The following OSBPL5 variants were observed in gnomAD, a reference collection of about 807,000 sequenced individuals.
The protein encoded by OSBPL5 is oxysterol binding protein like 5.
OSBPL5 carries 71 observed loss-of-function variants against 111.2 expected under a neutral mutation model. The ratio of observed to expected loss-of-function variants is 0.64; its 90% CI spans 0.53 to 0.78. OSBPL5 has a LOEUF of 0.78. OSBPL5 is among the 30% of genes least tolerant of loss of function. OSBPL5 has a pLI of 0.00. For synonymous variants in OSBPL5, 549 were observed against 513.9 expected (o/e 1.07, Z -0.93); for missense variants, 1,210 against 1,189.3 (o/e 1.02, Z -0.26).
Position 3,126,590 on chromosome 11 carries a change from T to C in OSBPL5, c.137-35A>G, listed in dbSNP as rs775646616. The C allele has an allele frequency of 5.7e-6, 9 of 1,576,240 alleles. No individual in the cohort carries two copies. The highest frequency in any genetic ancestry group is 3.4e-5 in the South Asian group (3 of 87,180). On this transcript the variant is annotated intron_variant, in intron 2 of 21. Transcript: ENST00000263650. This position sits in a 1 kb window ranked among gnomAD's most constrained non-coding sequence, Gnocchi z 6.5. ...AGCAGTGGGAGTGAGGACCCAGGCA[T>C]GGTGGCGTGGCCAGGCTTCTCAGGC...
chr11:3,089,206 C>T (rs1344479953), intron 21 of OSBPL5, among the ~76,000 whole-genome samples: 6 of 152,222 alleles, frequency 3.9e-5, no homozygotes, highest in African/African-American at 1.4e-4. Context: ...GGGCCTGTGC[C>T]CTGGCTGCAT....
At position 3,142,425 on chromosome 11, in the gene OSBPL5, C is replaced by T. The variant is rs779654011; in HGVS notation, c.-21-13256G>A. ...GGAAGCCCCTACCTCTCCACCACGACCCCTCCATGCCCTGCTGCCACAAGG... is the reference window on the plus strand; with the variant it reads ...GGAAGCCCCTACCTCTCCACCACGATCCCTCCATGCCCTGCTGCCACAAGG... On this transcript the variant is annotated intron_variant, in intron 1 of 21. Coordinates refer to ENST00000263650, the MANE Select transcript of OSBPL5 (RefSeq NM_020896.4). The surrounding 1 kb of genome is among the most constrained non-coding windows in gnomAD (Gnocchi z 7.1). Among the ~76,000 whole-genome samples, 3 of 152,218 alleles carry T rather than the reference C, an allele frequency of 2.0e-5. No homozygotes were observed. The highest frequency in any genetic ancestry group is 4.4e-5 in the Non-Finnish European group (3 of 68,040).
At chr11:3,135,568 A>G (rs1340370604) in intron 1 of OSBPL5, among the ~76,000 whole-genome samples, 1 of 151,782 alleles carries the variant, frequency 6.6e-6, no homozygotes, top group Admixed American at 6.5e-5. Context: ...GGCTAGCCCC[A>G]GACTCCCACC....
chr11:3,093,782 C>T lies in OSBPL5; in HGVS notation c.1773G>A (p.Ser591=), dbSNP rs202214414. Residue 591 remains serine, a synonymous_variant, in exon 16 of 22, where the codon TCG becomes TCA. Coordinates refer to ENST00000263650, the MANE Select transcript of OSBPL5 (RefSeq NM_020896.4). ...TGAGGCTCGCCAGGACTTCCTCTCC[C>T]GACGTGATCTTTCCCGAGATCTGGT... ...SINQISGKIT[S]GEEVLASLSG... The T allele has an allele frequency of 2.9e-5, 46 of 1,613,228 alleles. No homozygotes were observed. The highest frequency in any genetic ancestry group is 3.4e-5 in the Non-Finnish European group (40 of 1,180,012).
In OSBPL5 at chr11:3,092,324, G is replaced by A; in HGVS notation, c.2259+108C>T. On this transcript the variant is annotated intron_variant, in intron 19 of 21. Coordinates refer to ENST00000263650, the MANE Select transcript of OSBPL5 (RefSeq NM_020896.4). This position sits in a 1 kb window ranked among gnomAD's most constrained non-coding sequence, Gnocchi z 5.4. Reference sequence around the variant, plus strand: ...CGAGGGGGCTGGGGGATGAGGGCGTGAGGGAAACGGAGCGAGGGGAAGGGA... The same window carrying A: ...CGAGGGGGCTGGGGGATGAGGGCGTAAGGGAAACGGAGCGAGGGGAAGGGA... 2.2e-6 allele frequency: 3 copies of A among 1,387,764 alleles called. No homozygotes were observed. The highest frequency in any genetic ancestry group is 1.9e-6 in the Non-Finnish European group (2 of 1,050,752). 86.0% of individuals were successfully genotyped at this position (1,387,764 alleles called of 1,614,324 possible).
rs542444289 is a variant in OSBPL5, at chr11:3,111,181, T to C, written c.692-3236A>G. Among the ~76,000 whole-genome samples the C allele has an allele frequency of 1.5e-4, 21 of 142,178 alleles. 1 individual carries two copies. In the East Asian group the frequency reaches 4.4e-3, roughly 30 times the overall value. 93.3% of individuals were successfully genotyped at this position (142,178 alleles called of 152,430 possible). A position where few individuals can be genotyped will look rare whatever the true frequency, so the allele number is the denominator to read the frequency against. ...ACCCCCTGCCACAGAGAATCCCTGA[T>C]CTCTCAAAATTTGGTCGAGATCTAA... On this transcript the variant is annotated intron_variant, in intron 7 of 21. Transcript: ENST00000263650.
chr11:3,103,756 G>GTCCCTTCCTGC (rs1554896274), intron 10 of OSBPL5, among the ~76,000 whole-genome samples: 2 of 56,802 alleles, frequency 3.5e-5, no homozygotes, highest in Admixed American at 3.3e-4. Flanking sequence ...CCCTCTTCCA[G>GTCCCTTCCTGC]CTCTGCAGCC....
Position 3,104,392 on chromosome 11 carries a change from C to A in OSBPL5, c.1060-15G>T, listed in dbSNP as rs774147984. On this transcript the variant is annotated splice_polypyrimidine_tract_variant and intron_variant, in intron 9 of 21. Transcript: ENST00000263650. This position sits in a 1 kb window ranked among gnomAD's most constrained non-coding sequence, Gnocchi z 5.0. Reference sequence around the variant, plus strand: ...GCCTCGCCCAGCTGCAGCAGACAGGCTGCAGTCAGGCCCTGCCCGGAAGAG... The same window carrying A: ...GCCTCGCCCAGCTGCAGCAGACAGGATGCAGTCAGGCCCTGCCCGGAAGAG... 6.2e-7 allele frequency: 1 copy of A among 1,605,224 alleles called. No individual in the cohort carries two copies. The highest frequency in any genetic ancestry group is 8.5e-7 in the Non-Finnish European group (1 of 1,179,292).
At chr11:3,137,151 C>T (rs746062042) in intron 1 of OSBPL5, among the ~76,000 whole-genome samples, 19 of 152,188 alleles carry the variant, frequency 1.2e-4, no homozygotes, top group Non-Finnish European at 2.1e-4. Context: ...GAGGAAACCA[C>T]GCAGGCCTCC....
At chr11:3,118,570 ATTTTTT>A (rs143316664) in intron 7 of OSBPL5, among the ~76,000 whole-genome samples, 1 of 124,160 alleles carries the variant, frequency 8.1e-6, no homozygotes. Context: ...AAAATAAACT[ATTTTTT>A]TTTTTTTTTT....
At chr11:3,159,954 G>C (rs1172897019) in intron 1 of OSBPL5, among the ~76,000 whole-genome samples, 1 of 152,180 alleles carries the variant, frequency 6.6e-6, no homozygotes, top group East Asian at 1.9e-4. Context: ...AATTCCGGCT[G>C]CGTCTTCCTC....
chr11:3,093,580 C>A lies in OSBPL5; in HGVS notation c.1893G>T (p.Arg631Ser). The stretch of plus-strand genomic sequence containing the variant: ...CCAGCGGCACCGTGTGCTGCCTCAG[C>A]CTCTGTCTGCGGACCTCCCCGCTCG... ...WTPSGEVRRQ[R>S]LRQHTVPLEE... Residue 631 changes from arginine (R) to serine (S), a missense_variant, in exon 17 of 22, where the codon AGG becomes AGT. Physicochemically the swap from Arg to Ser is moderately radical, Grantham distance 110 (BLOSUM62 -1). Transcript: ENST00000263650. The A allele has an allele frequency of 6.2e-7, 1 of 1,612,454 alleles. No individual in the cohort carries two copies. Among genetic ancestry groups the A allele is most frequent in the South Asian group, 1.1e-5 (1 of 91,090 alleles).
intron 14 of OSBPL5, among the ~76,000 whole-genome samples, chr11:3,096,655 GA>G (rs1408893587): frequency 6.6e-6 from 1 of 150,720 alleles, no homozygotes; most frequent in East Asian, 1.9e-4. Flanking sequence ...AGAAAGAAGG[GA>G]AATCCTTAAC....
In OSBPL5 at chr11:3,130,426, CAG is replaced by C. The variant is rs1858786222; in HGVS notation, c.-21-1259_-21-1258del. On this transcript the variant is annotated intron_variant, in intron 1 of 21. Coordinates refer to ENST00000263650, the MANE Select transcript of OSBPL5 (RefSeq NM_020896.4). The surrounding 1 kb of genome is among the most constrained non-coding windows in gnomAD (Gnocchi z 4.5). ...TTTGCTGGGGGGGGCCTCAGACACA[CAG>C]AGACTTTCCTGCTGTGGCTTCAGGA... 1.3e-5 allele frequency among the ~76,000 whole-genome samples: 2 copies of C among 152,366 alleles called. No homozygotes were observed. The highest frequency in any genetic ancestry group is 2.1e-4 in the South Asian group (1 of 4,832).
chr11:3,156,562 G>T (rs1590735940), intron 1 of OSBPL5, among the ~76,000 whole-genome samples: 2 of 151,998 alleles, frequency 1.3e-5, no homozygotes, highest in East Asian at 3.9e-4. Context: ...GAGCTCTGGG[G>T]CCCTCCCTAC....
At chr11:3,144,251 A>C (rs1846256466) in intron 1 of OSBPL5, among the ~76,000 whole-genome samples, 1 of 152,126 alleles carries the variant, frequency 6.6e-6, no homozygotes, top group South Asian at 2.1e-4. Context: ...TGGGGGATAC[A>C]ATGAAACCGC....
rs1312861479 is a variant in OSBPL5 at position 3,121,844 on chromosome 11, G to T, written c.402+153C>A. On this transcript the variant is annotated intron_variant, in intron 5 of 21. Coordinates refer to ENST00000263650, the MANE Select transcript of OSBPL5 (RefSeq NM_020896.4). The surrounding 1 kb of genome is among the most constrained non-coding windows in gnomAD (Gnocchi z 4.3). ...GGGAGAGACAGGTGGATAAGGAAAG[G>T]CCTCATGAGGAAGGAGCAGAGGCTG... is the stretch of plus-strand genomic sequence containing the variant. The T allele has an allele frequency of 1.7e-5, 11 of 665,176 alleles. No homozygotes were observed. Among genetic ancestry groups the T allele is most frequent in the Non-Finnish European group, 2.8e-5 (11 of 386,552 alleles). The allele number at this position is 665,176 out of a possible 1,614,324, so 41.2% of individuals were successfully genotyped here.
At chr11:3,103,849 T>TCC (rs1564830668) in intron 10 of OSBPL5, among the ~76,000 whole-genome samples, 2 of 48,564 alleles carry the variant, frequency 4.1e-5, no homozygotes, top group African/African-American at 6.2e-5. Flanking sequence ...TGCAGCCCCT[T>TCC]TCCAGTCTGC....
At chr11:3,115,393 T>A (rs1858175382) in intron 7 of OSBPL5, among the ~76,000 whole-genome samples, 2 of 152,302 alleles carry the variant, frequency 1.3e-5, no homozygotes, top group East Asian at 1.9e-4. Context: ...GACTCATGGG[T>A]CTAAAAAGAA....
Sources: gnomAD v4.1 joint callset for allele counts (sites outside exome capture counted in the v4.1 genomes callset) on GRCh38, gnomAD v4.1.1 for gene constraint, Gnocchi (gnomAD v3.1) non-coding constraint, MANE v1.5 for transcripts, NCBI Gene and HGNC (gene_info 2026-07-23, HGNC 2026-07-21) for gene names.